ZNF608: variants seen among roughly 807,000 people sequenced by gnomAD.
The protein encoded by ZNF608 is zinc finger protein 608, also known as renal carcinoma antigen NY-REN-36.
Under a neutral mutation model 109.0 loss-of-function variants are expected in ZNF608, and 12 were observed. The observed-to-expected ratio is 0.11, with a 90% CI of 0.07 to 0.18. The LOEUF is 0.18. ZNF608 is among the 10% of genes least tolerant of loss of function. ZNF608 has a pLI of 1.00. For missense variants in ZNF608, 1,707 were observed against 1,879.3 expected (o/e 0.91, Z 1.70); for synonymous variants, 732 against 717.4 (o/e 1.02, Z -0.33).
At chr5:124,727,273 A>C (rs1268250133) in intron 2 of ZNF608, among the ~76,000 whole-genome samples, 59 of 152,360 alleles carry the variant, frequency 3.9e-4, no homozygotes, top group Non-Finnish European at 8.8e-5. Context: ...TCAAGGCTTC[A>C]GAGGAAATAA....
At chr5:124,739,814 C>T (rs1048853773) in intron 2 of ZNF608, among the ~76,000 whole-genome samples, 1 of 152,160 alleles carries the variant, frequency 6.6e-6, no homozygotes, top group Non-Finnish European at 1.5e-5. Context: ...CTCTTTTTCA[C>T]GCTGAAAACG....
intron 3 of ZNF608, among the ~76,000 whole-genome samples, chr5:124,683,087 A>G (rs6871927): frequency 0.15 from 22,237 of 151,998 alleles, 1,653 homozygotes; most frequent in East Asian, 0.21. Context: ...TGTTGTGAGC[A>G]GTCCTATGGA....
chr5:124,649,525 A>G, intron 4 of ZNF608, 85 bp downstream of exon 4: 1 of 1,109,430 alleles, frequency 9.0e-7, no homozygotes, highest in Admixed American at 2.5e-5. Context: ...TTACAGGCAC[A>G]CTTTTATGTA....
intron 3 of ZNF608, among the ~76,000 whole-genome samples, chr5:124,650,504 G>A (rs1750729381): frequency 6.6e-6 from 1 of 152,206 alleles, no homozygotes. Context: ...AAGCCATTCT[G>A]CTTTTTCCAA....
chr5:124,656,170 G>C (rs1450734934), intron 3 of ZNF608, among the ~76,000 whole-genome samples: 1 of 152,166 alleles, frequency 6.6e-6, no homozygotes, highest in Non-Finnish European at 1.5e-5. Context: ...TGAACAAATA[G>C]TGTATGGCAA....
rs548621159 is a variant in ZNF608, at chr5:124,722,073, G to A, written c.907-20804C>T. 1.9e-4 allele frequency among the ~76,000 whole-genome samples: 28 copies of A among 150,726 alleles called. 1 individual carries two copies. Among genetic ancestry groups the A allele is most frequent in the Admixed American group, 1.8e-3 (28 of 15,148 alleles). ...CCCAGGTAGAAATCAAGAGTAAAAG[G>A]TCTGCAGGAGGGAACAATCTACCTA... On this transcript the variant is annotated intron_variant, in intron 2 of 9. Transcript: ENST00000513986.
intron 1 of ZNF608, 101 bp from the exon 2 acceptor site, chr5:124,745,273 GGA>G (rs1253622331): frequency 4.6e-6 from 5 of 1,087,988 alleles, no homozygotes; most frequent in Middle Eastern, 3.5e-4. Context: ...AGGGAAGGAT[GGA>G]GAGTAAGGTG....
At chr5:124,700,763 C>T (rs1176268569) in intron 3 of ZNF608, among the ~76,000 whole-genome samples, 1 of 152,238 alleles carries the variant, frequency 6.6e-6, no homozygotes, top group Non-Finnish European at 1.5e-5. Flanking sequence ...CTGCTTCTCA[C>T]AGTCCTTCCA....
intron 3 of ZNF608, among the ~76,000 whole-genome samples, chr5:124,673,956 T>C (rs1268509071): frequency 6.6e-6 from 1 of 152,224 alleles, no homozygotes; most frequent in Non-Finnish European, 1.5e-5. Context: ...ATTCAAAAGA[T>C]AGTATGTACT....
chr5:124,665,505 T>G (rs1468443301), intron 3 of ZNF608, among the ~76,000 whole-genome samples: 2 of 152,278 alleles, frequency 1.3e-5, no homozygotes, highest in Non-Finnish European at 2.9e-5. Context: ...CAGCTGCTTC[T>G]GATATCTTGT....
intron 3 of ZNF608, among the ~76,000 whole-genome samples, chr5:124,694,068 C>T (rs1310259662): frequency 7.2e-6 from 1 of 139,710 alleles, no homozygotes; most frequent in Non-Finnish European, 1.5e-5. Flanking sequence ...CTCTGCCTCC[C>T]GGTTTCACGC....
intron 3 of ZNF608, among the ~76,000 whole-genome samples, chr5:124,651,799 A>C (rs1750792921): frequency 6.6e-6 from 1 of 152,248 alleles, no homozygotes; most frequent in Non-Finnish European, 1.5e-5. Flanking sequence ...CCCGGAGCAC[A>C]GAGGCAGCGG....
rs1750114348 is a variant in ZNF608, at chr5:124,639,069, T to G, written c.4532+64A>C. On this transcript the variant is annotated intron_variant, in intron 9 of 9. Transcript: ENST00000513986. ...GTTTTTGGTCTAAAAATCCTGTACT[T>G]GCTTCCTCCCAACCATTAAGATATT... The G allele has an allele frequency of 1.1e-5, 17 of 1,508,810 alleles. 2 individuals carry two copies. The South Asian group carries it at 2.0e-4, about 18-fold the overall frequency. The allele number at this position is 1,508,810 out of a possible 1,614,324, so 93.5% of individuals were successfully genotyped here.
chr5:124,733,324 T>G (rs1748993652), intron 2 of ZNF608, among the ~76,000 whole-genome samples: 1 of 151,784 alleles, frequency 6.6e-6, no homozygotes, highest in South Asian at 2.1e-4. Context: ...ATAAGCTCAT[T>G]TGGAGTTTAT....
intron 2 of ZNF608, among the ~76,000 whole-genome samples, chr5:124,738,170 C>CT (rs1331049830): frequency 1.3e-5 from 2 of 152,188 alleles, no homozygotes; most frequent in Non-Finnish European, 2.9e-5. Context: ...TAATGACAGT[C>CT]TAAGTCATCA....
chr5:124,735,337 G>A (rs902799793), intron 2 of ZNF608, among the ~76,000 whole-genome samples: 2 of 150,934 alleles, frequency 1.3e-5, no homozygotes, highest in Admixed American at 6.6e-5. Context: ...GGCCATAAAC[G>A]GGTCCCTGGC....
rs35078986 is a variant in ZNF608 at position 124,717,310 on chromosome 5, T to TA, written c.907-16042dup. ...GAGAAACCCTGTCTCTACTAAAAAT[T>TA]AAAAAAAAAAATTAGCCAGGCATGG... On this transcript the variant is annotated intron_variant, in intron 2 of 9. Transcript: ENST00000513986. 3.0e-3 allele frequency among the ~76,000 whole-genome samples: 428 copies of TA among 144,068 alleles called. 3 individuals carry two copies. Among genetic ancestry groups the TA allele is most frequent in the African/African-American group, 9.3e-3 (365 of 39,294 alleles). The allele number at this position is 144,068 out of a possible 152,430, so 94.5% of individuals were successfully genotyped here. A position where few individuals can be genotyped will look rare whatever the true frequency, so the allele number is the denominator to read the frequency against.
At chr5:124,666,924 T>G (rs533790093) in intron 3 of ZNF608, among the ~76,000 whole-genome samples, 3 of 152,138 alleles carry the variant, frequency 2.0e-5, no homozygotes, top group South Asian at 4.2e-4. Context: ...ATGAAAAAAT[T>G]TAATAAAAAT....
intron 2 of ZNF608, among the ~76,000 whole-genome samples, chr5:124,732,190 A>C (rs1360042690): frequency 1.3e-5 from 2 of 152,208 alleles, no homozygotes; most frequent in Non-Finnish European, 2.9e-5. Flanking sequence ...ACCTAAAGCC[A>C]ATTCAGATAT....
Sources: gnomAD v4.1 joint callset for allele counts (sites outside exome capture counted in the v4.1 genomes callset) on GRCh38, gnomAD v4.1.1 for gene constraint, MANE v1.5 for transcripts, NCBI Gene and HGNC (gene_info 2026-07-23, HGNC 2026-07-21) for gene names.